Variants in UGT2B7 observed in about 807,000 individuals in gnomAD.
The protein encoded by UGT2B7 is UDP-glucuronosyltransferase 2B7.
In UGT2B7, 51 loss-of-function variants were observed where a neutral mutation model predicts 51.9. That is an observed-to-expected ratio of 0.98 (90% confidence interval 0.78 to 1.24). The LOEUF is 1.24. Among genes scored for constraint, UGT2B7 ranks in the 50% most tolerant of loss-of-function variants. The probability of loss-of-function intolerance (pLI) is 0.00; values close to 1 mark genes in which losing one functional copy is unlikely to be tolerated. For missense variants in UGT2B7, 727 were observed against 628.4 expected (o/e 1.16, Z -1.68); for synonymous variants, 225 against 211.6 (o/e 1.06, Z -0.55).
chr4:69,090,084 T>C (rs1719051900), intron 2 of UGT2B7, among the ~76,000 whole-genome samples: 1 of 152,188 alleles, frequency 6.6e-6, no homozygotes, highest in Non-Finnish European at 1.5e-5. Context: ...TCACGTAGTC[T>C]TTCTTATGAA....
intron 1 of UGT2B7, among the ~76,000 whole-genome samples, chr4:69,097,732 T>G (rs765177072): frequency 3.3e-5 from 5 of 152,020 alleles, no homozygotes; most frequent in African/African-American, 4.8e-5. Context: ...AGAGAGATAA[T>G]GTCTATACCT....
At chr4:69,105,707 CA>C (rs1719573913) in intron 3 of UGT2B7, among the ~76,000 whole-genome samples, 1 of 152,076 alleles carries the variant, frequency 6.6e-6, no homozygotes, top group South Asian at 2.1e-4. Flanking sequence ...GAATTTGTGT[CA>C]AAAATAACCA....
At chr4:69,066,267 A>AG in intron 1 of UGT2B7, 1 of 152,288 alleles carries the variant, frequency 6.6e-6, no homozygotes, top group South Asian at 2.1e-4. Flanking sequence ...TTCATCACAC[A>AG]GGTGTTAAGC....
chr4:69,055,513 A>T (rs1397756105), intron 1 of UGT2B7, among the ~76,000 whole-genome samples: 4 of 152,182 alleles, frequency 2.6e-5, no homozygotes, highest in Non-Finnish European at 5.9e-5. Context: ...CTAATAAAAG[A>T]AGAAGTTCAA....
intron 3 of UGT2B7, among the ~76,000 whole-genome samples, chr4:69,106,868 T>C (rs1719616160): frequency 6.6e-6 from 1 of 151,956 alleles, no homozygotes; most frequent in Non-Finnish European, 1.5e-5. Flanking sequence ...TCTTTTTTTT[T>C]TTCATATGAT....
chr4:69,072,826 G>T (rs1231642778), intron 1 of UGT2B7, among the ~76,000 whole-genome samples: 1 of 151,988 alleles, frequency 6.6e-6, no homozygotes, highest in East Asian at 1.9e-4. Flanking sequence ...GCACCCAGGG[G>T]ACAATAAATT....
chr4:69,061,517 C>A (rs553821257), intron 1 of UGT2B7, among the ~76,000 whole-genome samples: 28 of 152,298 alleles, frequency 1.8e-4, no homozygotes, highest in Admixed American at 3.9e-4. Flanking sequence ...CCCCAAGCTA[C>A]ACTCCAAATA....
intron 1 of UGT2B7, among the ~76,000 whole-genome samples, chr4:69,065,117 T>C (rs530223486): frequency 6.6e-6 from 1 of 152,286 alleles, no homozygotes; most frequent in South Asian, 2.1e-4. Flanking sequence ...AATTGAAATG[T>C]ATCATGGAGT....
At chr4:69,086,299 T>C (rs1577916480) in intron 1 of UGT2B7, among the ~76,000 whole-genome samples, 1 of 151,876 alleles carries the variant, frequency 6.6e-6, no homozygotes, top group East Asian at 1.9e-4. Flanking sequence ...TGTTCCCATA[T>C]TCTTTCTTTT....
chr4:69,058,805 T>C (rs970164649), intron 1 of UGT2B7, among the ~76,000 whole-genome samples: 2 of 152,098 alleles, frequency 1.3e-5, no homozygotes, highest in African/African-American at 4.8e-5. Context: ...AAAAGGCTGA[T>C]TGGCTGGCAG....
At chr4:69,063,143 C>T (rs974956935) in intron 1 of UGT2B7, among the ~76,000 whole-genome samples, 17 of 151,316 alleles carry the variant, frequency 1.1e-4, no homozygotes, top group African/African-American at 4.1e-4. Flanking sequence ...AACGGTGAAA[C>T]CCCGTCTCTA....
chr4:69,061,130 C>G (rs1242427875), intron 1 of UGT2B7, among the ~76,000 whole-genome samples: 1 of 152,174 alleles, frequency 6.6e-6, no homozygotes, highest in East Asian at 1.9e-4. Context: ...GGAACTGCCT[C>G]TCAGAAAGCA....
chr4:69,074,442 A>ATATATATATG, intron 1 of UGT2B7, among the ~76,000 whole-genome samples: 1 of 148,110 alleles, frequency 6.8e-6, no homozygotes, highest in South Asian at 2.1e-4. Flanking sequence ...ATATATATAT[A>ATATATATATG]TATAAATTAA....
At chr4:69,068,160 A>G (rs1718522112) in intron 1 of UGT2B7, among the ~76,000 whole-genome samples, 1 of 152,066 alleles carries the variant, frequency 6.6e-6, no homozygotes, top group South Asian at 2.1e-4. Flanking sequence ...AGCTTTCCTA[A>G]GATGATTTAT....
intron 1 of UGT2B7, among the ~76,000 whole-genome samples, chr4:69,078,036 T>A (rs1259831554): frequency 6.6e-6 from 1 of 152,130 alleles, no homozygotes; most frequent in Non-Finnish European, 1.5e-5. Flanking sequence ...ATTGAGACAA[T>A]CATGTTTTTT....
At chr4:69,103,132 T>C (rs1719479408) in intron 3 of UGT2B7, among the ~76,000 whole-genome samples, 194 bp downstream of exon 3, 1 of 151,914 alleles carries the variant, frequency 6.6e-6, no homozygotes. Flanking sequence ...GTGTTAAGTA[T>C]GAACATTCCC....
chr4:69,084,255 G>A (rs545551535), intron 1 of UGT2B7, among the ~76,000 whole-genome samples: 74 of 151,736 alleles, frequency 4.9e-4, no homozygotes, highest in Non-Finnish European at 8.2e-4. Context: ...TCTTTTTGAT[G>A]TGTTGTTGGA....
Position 69,105,672 on chromosome 4 carries a change from A to G in UGT2B7, c.1003-1503A>G, listed in dbSNP as rs947177332. Among the ~76,000 whole-genome samples, 29 of 152,208 alleles carry G rather than the reference A, an allele frequency of 1.9e-4. 1 individual carries two copies. Among genetic ancestry groups the G allele is most frequent in the African/African-American group, 6.5e-4 (27 of 41,466 alleles). On this transcript the variant is annotated intron_variant, in intron 3 of 5. Coordinates refer to ENST00000305231, the MANE Select transcript of UGT2B7 (RefSeq NM_001074.4). ...TCATTTCTATGCTGAAAAATATCCA[A>G]AATTAGAAATACTGATAATACTCTG... is the stretch of plus-strand genomic sequence containing the variant.
Position 69,107,225 on chromosome 4 carries a change from T to C in UGT2B7, c.1053T>C (p.Thr351=), listed in dbSNP as rs1719627558. The C allele has an allele frequency of 6.2e-7, 1 of 1,609,922 alleles. No homozygotes were observed. The highest frequency in any genetic ancestry group is 8.5e-7 in the Non-Finnish European group (1 of 1,177,404). Reference sequence around the variant, plus strand: ...AACCAGATACCTTAGGTCTCAATACTCGGCTCTACAAGTGGATACCCCAGA... The same window carrying C: ...AACCAGATACCTTAGGTCTCAATACCCGGCTCTACAAGTGGATACCCCAGA... The part of the protein sequence containing the change: ...GNKPDTLGLN[T]RLYKWIPQND... The change falls in exon 4 of 6, where the codon ACT becomes ACC. Residue 351 remains threonine, a synonymous_variant. Coordinates refer to ENST00000305231, the MANE Select transcript of UGT2B7 (RefSeq NM_001074.4).
Sources: allele counts gnomAD v4.1 joint callset (sites outside exome capture counted in the v4.1 genomes callset), GRCh38; gene constraint gnomAD v4.1.1; transcripts MANE v1.5; gene names NCBI Gene and HGNC (gene_info 2026-07-23, HGNC 2026-07-21).